The following RUFY3 variants were observed in gnomAD, a reference collection of about 807,000 sequenced individuals.
RUFY3 encodes RUN and FYVE domain containing 3.
RUFY3 carries 34 observed loss-of-function variants against 84.0 expected under a neutral mutation model. The ratio of observed to expected loss-of-function variants is 0.40; its 90% confidence interval spans 0.31 to 0.54. The LOEUF (loss-of-function observed/expected upper bound fraction) is 0.54, where lower values mean the gene tolerates loss of function less well. Among genes scored for constraint, RUFY3 ranks in the 20% least tolerant of loss-of-function variants. The probability of loss-of-function intolerance (pLI) is 0.39; values close to 1 mark genes in which losing one functional copy is unlikely to be tolerated. For synonymous variants in RUFY3, 242 were observed against 252.9 expected (o/e 0.96, Z 0.41); for missense variants, 507 against 736.8 (o/e 0.69, Z 3.61).
intron 1 of RUFY3, among the ~76,000 whole-genome samples, chr4:70,728,900 T>C (rs1273700466): frequency 6.6e-6 from 1 of 151,658 alleles, no homozygotes; most frequent in African/African-American, 2.4e-5. Context: ...TTTTTTTAAA[T>C]GAGGCCTTGA....
chr4:70,714,944 G>C (rs1741399269), intron 1 of RUFY3, among the ~76,000 whole-genome samples: 1 of 152,152 alleles, frequency 6.6e-6, no homozygotes. Flanking sequence ...TCTTATGCTG[G>C]TTAATTTTAA....
At chr4:70,705,429 G>A in intron 1 of RUFY3, 2 of 564,216 alleles carry the variant, frequency 3.5e-6, no homozygotes, top group South Asian at 4.1e-5. Context: ...GGGCTTTAGG[G>A]GCTACCCTCG....
intron 4 of RUFY3, 102 bp from the exon 5 acceptor site, chr4:70,768,436 C>G (rs1230663851): frequency 9.6e-7 from 1 of 1,046,152 alleles, no homozygotes; most frequent in African/African-American, 1.6e-5. Flanking sequence ...TATAATCAAC[C>G]ATGATGACTA....
intron 7 of RUFY3, among the ~76,000 whole-genome samples, chr4:70,775,866 G>T (rs1678209066): frequency 6.6e-6 from 1 of 151,208 alleles, no homozygotes; most frequent in South Asian, 2.1e-4. Flanking sequence ...ACTTGAGCCT[G>T]GGAAGCTGAG....
At chr4:70,731,107 G>A (rs1719195832) in intron 1 of RUFY3, among the ~76,000 whole-genome samples, 2 of 150,626 alleles carry the variant, frequency 1.3e-5, no homozygotes, top group South Asian at 2.1e-4. Context: ...GCGCGATTTC[G>A]GCTCACTGCA....
At position 70,806,599 on chromosome 4, in the gene RUFY3, G is replaced by A. The variant is rs532207883; in HGVS notation, c.1803G>A (p.Glu601=). Residue 601 remains glutamate, a synonymous_variant, in exon 18 of 18, where the codon GAG becomes GAA. Coordinates refer to ENST00000381006, the MANE Select transcript of RUFY3 (RefSeq NM_001037442.4). The part of the protein sequence containing the change: ...ELPLPSSIKL[E]RVCNPCHKHL... ...CTCTTCCTTCAAGTATCAAGCTTGAGCGAGTTTGCAATCCCTGTCACAAGC... is the reference window on the plus strand; with the variant it reads ...CTCTTCCTTCAAGTATCAAGCTTGAACGAGTTTGCAATCCCTGTCACAAGC... The A allele has an allele frequency of 2.5e-6, 4 of 1,614,148 alleles. No homozygotes were observed. The African/African-American group carries it at 4.0e-5, about 16-fold the overall frequency.
chr4:70,714,416 A>T (rs1741345149), intron 1 of RUFY3, among the ~76,000 whole-genome samples: 4 of 152,250 alleles, frequency 2.6e-5, no homozygotes, highest in Admixed American at 2.6e-4. Flanking sequence ...TAAACACCTA[A>T]AATTGTCTGT....
At chr4:70,783,655 C>T (rs543193760) in intron 9 of RUFY3, among the ~76,000 whole-genome samples, 7 of 152,278 alleles carry the variant, frequency 4.6e-5, no homozygotes, top group African/African-American at 1.7e-4. Context: ...ATGTTTTGTA[C>T]AATTCCAAGC....
At chr4:70,805,462 A>G (rs1021001169) in intron 17 of RUFY3, among the ~76,000 whole-genome samples, 1 of 152,230 alleles carries the variant, frequency 6.6e-6, no homozygotes, top group African/African-American at 2.4e-5. Flanking sequence ...TTATGTACAA[A>G]TGAGTGTATG....
In RUFY3 at chr4:70,728,198, C is replaced by T. The variant is rs959502675; in HGVS notation, c.178+5447C>T. 2.6e-5 allele frequency among the ~76,000 whole-genome samples: 4 copies of T among 152,204 alleles called. No individual in the cohort carries two copies. In the South Asian group the frequency reaches 6.2e-4, roughly 24 times the overall value. Reference sequence around the variant, plus strand: ...GTAGCTTAGCCTCTCTTGCCTTAAACATGCTTAGAAGACTTAAATTAGCCA... The same window carrying T: ...GTAGCTTAGCCTCTCTTGCCTTAAATATGCTTAGAAGACTTAAATTAGCCA... On this transcript the variant is annotated intron_variant, in intron 1 of 17. Transcript: ENST00000381006.
At chr4:70,804,310 G>A in intron 16 of RUFY3, 38 bp from the exon 17 acceptor site, 1 of 1,551,716 alleles carries the variant, frequency 6.4e-7, no homozygotes, top group Admixed American at 1.7e-5. Flanking sequence ...AATATTTCTG[G>A]CACTAAGAAA....
chr4:70,709,243 A>G (rs1244318031), intron 1 of RUFY3, among the ~76,000 whole-genome samples: 1 of 152,178 alleles, frequency 6.6e-6, no homozygotes, highest in Non-Finnish European at 1.5e-5. Context: ...AGTGCTGGTA[A>G]TCTGCTAGGT....
intron 1 of RUFY3, among the ~76,000 whole-genome samples, chr4:70,739,928 C>T (rs1721041741): frequency 6.8e-6 from 1 of 147,356 alleles, no homozygotes; most frequent in Non-Finnish European, 1.5e-5. Flanking sequence ...GAGGCGGAGG[C>T]TGCAGTGAGC....
intron 14 of RUFY3, among the ~76,000 whole-genome samples, chr4:70,799,164 GAA>G (rs1731919091): frequency 1.3e-5 from 2 of 150,360 alleles, no homozygotes; most frequent in South Asian, 4.2e-4. Context: ...AAAAAAAAGA[GAA>G]AAGAAAAAAG....
chr4:70,710,508 T>C (rs1046332679), intron 1 of RUFY3, among the ~76,000 whole-genome samples: 19 of 151,622 alleles, frequency 1.3e-4, no homozygotes, highest in Admixed American at 9.9e-4. Flanking sequence ...CTGTCTCTAC[T>C]AAAAATACAA....
At chr4:70,784,568 C>G (rs1388169403) in intron 9 of RUFY3, among the ~76,000 whole-genome samples, 2 of 151,934 alleles carry the variant, frequency 1.3e-5, no homozygotes, top group African/African-American at 2.4e-5. Context: ...TTTAAAACTT[C>G]TACCATCTGG....
upstream of RUFY3, chr4:70,704,169 G>C (rs1739994227): frequency 6.6e-6 from 1 of 152,142 alleles, no homozygotes; most frequent in Admixed American, 6.6e-5. Context: ...ATGCGCACCC[G>C]CGGCACTAGA....
upstream of RUFY3, among the ~76,000 whole-genome samples, chr4:70,718,638 T>C (rs1741915433): frequency 1.3e-5 from 2 of 152,232 alleles, no homozygotes; most frequent in African/African-American, 4.8e-5. Flanking sequence ...AATATCTTAC[T>C]GATGGCTTAA....
chr4:70,718,924 A>G (rs947499836), upstream of RUFY3, among the ~76,000 whole-genome samples: 2 of 152,186 alleles, frequency 1.3e-5, no homozygotes, highest in Non-Finnish European at 2.9e-5. Flanking sequence ...CATGTTGGTC[A>G]GGCTGGTCTT....
Sources: allele counts gnomAD v4.1 joint callset (sites outside exome capture counted in the v4.1 genomes callset), GRCh38; gene constraint gnomAD v4.1.1; transcripts MANE v1.5; gene names NCBI Gene and HGNC (gene_info 2026-07-23, HGNC 2026-07-21).